Variants in LRMDA observed in about 807,000 individuals in gnomAD.
LRMDA encodes the protein leucine-rich melanocyte differentiation-associated protein.
In LRMDA, 18 loss-of-function variants were observed where a neutral mutation model predicts 29.8. The ratio of observed to expected loss-of-function variants is 0.60; its 90% CI spans 0.42 to 0.90. The LOEUF (loss-of-function observed/expected upper bound fraction) is 0.90, where lower values mean the gene tolerates loss of function less well. Ranked by LOEUF, LRMDA falls within the 40% of genes least tolerant of loss-of-function variation. The probability of loss-of-function intolerance (pLI) is 0.00; values close to 1 mark genes in which losing one functional copy is unlikely to be tolerated. For missense variants in LRMDA, 273 were observed against 273.9 expected (o/e 1.00, Z 0.02); for synonymous variants, 125 against 109.4 (o/e 1.14, Z -0.89).
At chr10:76,040,465 C>T (rs12765860) in intron 3 of LRMDA, among the ~76,000 whole-genome samples, 52,608 of 151,978 alleles carry the variant, frequency 0.35, 10,631 homozygotes, top group Non-Finnish European at 0.45. Flanking sequence ...GAGATTACCT[C>T]ATCTCTTGGT....
At chr10:75,462,697 T>A (rs375775279) in intron 2 of LRMDA, among the ~76,000 whole-genome samples, 1 of 152,222 alleles carries the variant, frequency 6.6e-6, no homozygotes, top group Non-Finnish European at 1.5e-5. Flanking sequence ...GAAAATGTTA[T>A]GTTGTGCTGG....
intron 2 of LRMDA, among the ~76,000 whole-genome samples, chr10:75,752,093 T>C (rs1842976267): frequency 6.6e-6 from 1 of 150,922 alleles, no homozygotes; most frequent in South Asian, 2.1e-4. Context: ...TGATAAGGAG[T>C]AGTTATTTGG....
intron 2 of LRMDA, among the ~76,000 whole-genome samples, chr10:75,560,581 G>T (rs1026653231): frequency 1.3e-3 from 194 of 151,886 alleles, no homozygotes; most frequent in Admixed American, 5.1e-3. Context: ...TTGAATAGGA[G>T]TGGTGAGAGA....
intron 5 of LRMDA, among the ~76,000 whole-genome samples, chr10:76,197,040 A>C (rs2132228086): frequency 6.6e-6 from 1 of 152,240 alleles, no homozygotes; most frequent in Non-Finnish European, 1.5e-5. Context: ...GTTTGGTCTG[A>C]TTCCTCTTTC....
chr10:76,210,281 T>C (rs941738260), intron 5 of LRMDA, among the ~76,000 whole-genome samples: 1 of 152,028 alleles, frequency 6.6e-6, no homozygotes, highest in Non-Finnish European at 1.5e-5. Flanking sequence ...GGGGTGGAGG[T>C]GGGGAAGAGG....
intron 2 of LRMDA, among the ~76,000 whole-genome samples, chr10:75,483,867 G>GTTTTT (rs548925147): frequency 0.027 from 3,254 of 119,076 alleles, 107 homozygotes; most frequent in African/African-American, 0.051. Context: ...GTATGGAGAG[G>GTTTTT]TTTTTTTTTT....
intron 6 of LRMDA, among the ~76,000 whole-genome samples, chr10:76,393,940 T>G (rs1273992031): frequency 6.6e-6 from 1 of 152,206 alleles, no homozygotes; most frequent in Non-Finnish European, 1.5e-5. Context: ...TGTGTGTTCT[T>G]GGTACCTTTG....
rs1183989010 is a variant in LRMDA at position 75,578,215 on chromosome 10, C to CAAAAAAAA, written c.131+139738_131+139745dup. 3.2e-3 allele frequency among the ~76,000 whole-genome samples: 46 copies of CAAAAAAAA among 14,224 alleles called. 11 individuals carry two copies. The highest frequency in any genetic ancestry group is 9.5e-3 in the Admixed American group (6 of 632). The allele number at this position is 14,224 out of a possible 152,430, so 9.3% of individuals were successfully genotyped here. On this transcript the variant is annotated intron_variant, in intron 2 of 6. Coordinates refer to ENST00000611255, the MANE Select transcript of LRMDA (RefSeq NM_001305581.2). ...GTATATTTACCAAGCAAATGGAAAG[C>CAAAAAAAA]AAAAAAAAAAAAAAAAAAAAAAAAG...
intron 5 of LRMDA, among the ~76,000 whole-genome samples, chr10:76,091,941 C>G (rs181848359): frequency 6.6e-6 from 1 of 152,146 alleles, no homozygotes; most frequent in African/African-American, 2.4e-5. Context: ...GGTGCCTTGG[C>G]CTTTCAAAGT....
chr10:75,479,513 A>G (rs1362316724), intron 2 of LRMDA, among the ~76,000 whole-genome samples: 3 of 151,992 alleles, frequency 2.0e-5, no homozygotes, highest in Non-Finnish European at 4.4e-5. Context: ...TCTAAAAAAA[A>G]AAAAAAAAAA....
intron 5 of LRMDA, among the ~76,000 whole-genome samples, chr10:76,131,223 C>G (rs1849987228): frequency 6.6e-6 from 1 of 152,112 alleles, no homozygotes; most frequent in Non-Finnish European, 1.5e-5. Flanking sequence ...TCTGTCTCTG[C>G]CTTTTTAGTT....
intron 2 of LRMDA, among the ~76,000 whole-genome samples, chr10:75,995,175 C>G (rs1188549243): frequency 6.6e-6 from 1 of 152,128 alleles, no homozygotes. Context: ...TGAGCAGTTC[C>G]CAAGCATTTG....
intron 2 of LRMDA, among the ~76,000 whole-genome samples, chr10:76,012,291 G>A (rs1284516903): frequency 6.6e-6 from 1 of 152,160 alleles, no homozygotes; most frequent in African/African-American, 2.4e-5. Flanking sequence ...GCAGGCCACG[G>A]TGCATCTCAG....
At chr10:75,903,542 G>A (rs929726773) in intron 2 of LRMDA, among the ~76,000 whole-genome samples, 8 of 152,164 alleles carry the variant, frequency 5.3e-5, no homozygotes, top group South Asian at 4.1e-4. Context: ...GCCATTCCCC[G>A]CATTTGCATA....
chr10:76,532,134 G>A (rs913373824), intron 6 of LRMDA, among the ~76,000 whole-genome samples: 2 of 151,950 alleles, frequency 1.3e-5, no homozygotes, highest in African/African-American at 2.4e-5. Context: ...CCATCAACCC[G>A]TCACCTACAT....
chr10:76,460,819 A>G (rs1483339336), intron 6 of LRMDA, among the ~76,000 whole-genome samples: 1 of 152,164 alleles, frequency 6.6e-6, no homozygotes, highest in Non-Finnish European at 1.5e-5. Context: ...TTGCAGAGCT[A>G]CTTTCTCTCT....
At chr10:75,639,094 G>T (rs1841421107) in intron 2 of LRMDA, among the ~76,000 whole-genome samples, 1 of 152,128 alleles carries the variant, frequency 6.6e-6, no homozygotes, top group South Asian at 2.1e-4. Flanking sequence ...GAAAAGGGAG[G>T]TACATTACTG....
chr10:76,085,497 G>A (rs189923803), intron 5 of LRMDA, among the ~76,000 whole-genome samples: 11 of 152,230 alleles, frequency 7.2e-5, no homozygotes, highest in Admixed American at 6.5e-4. Context: ...AAGTCTGCTC[G>A]CCCCACACAC....
chr10:76,525,515 G>A (rs1040183919), intron 6 of LRMDA, among the ~76,000 whole-genome samples: 1 of 152,054 alleles, frequency 6.6e-6, no homozygotes, highest in Non-Finnish European at 1.5e-5. Context: ...CCACAGTAGG[G>A]GGTAGGAGGC....
Sources: allele counts gnomAD v4.1 joint callset (sites outside exome capture counted in the v4.1 genomes callset), GRCh38; gene constraint gnomAD v4.1.1; transcripts MANE v1.5; gene names NCBI Gene and HGNC (gene_info 2026-07-23, HGNC 2026-07-21).